The following LAMA5 variants were observed in gnomAD, a reference collection of about 807,000 sequenced individuals.
LAMA5 encodes laminin subunit alpha-5.
In LAMA5, 260 loss-of-function variants were observed where a neutral mutation model predicts 433.4. The observed-to-expected ratio is 0.60, with a 90% CI of 0.54 to 0.66. LAMA5 has a LOEUF of 0.66. Ranked by LOEUF, LAMA5 falls within the 30% of genes least tolerant of loss-of-function variation. The pLI, the probability that LAMA5 is intolerant of heterozygous loss-of-function variation, is 0.00. For synonymous variants in LAMA5, 2,620 were observed against 2,226.6 expected, an observed-to-expected ratio of 1.18 and a Z score of -4.97; for missense variants, 5,378 against 5,258.5, an observed-to-expected ratio of 1.02 and a Z score of -0.70.
In LAMA5 at chr20:62,354,626, A is replaced by AG. The variant is rs370828519; in HGVS notation, c.451-1376dup. On this transcript the variant is annotated intron_variant, in intron 2 of 79. Transcript: ENST00000252999. ...ATGGCAAGAGGCTGCACCCAGGAGC[A>AG]GGGGGGGTCCCGAGGCACACAGGAG... Among the ~76,000 whole-genome samples the AG allele has an allele frequency of 9.3e-3, 1,420 of 152,198 alleles. 22 individuals carry two copies. The highest frequency in any genetic ancestry group is 0.032 in the African/African-American group (1,324 of 41,526).
At position 62,318,549 on chromosome 20, in the gene LAMA5, T is replaced by G. The variant is rs759385522; in HGVS notation, c.7144A>C (p.Met2382Leu). Residue 2382 changes from methionine (M) to leucine (L), a missense_variant, in exon 53 of 80, where the codon ATG (methionine) becomes CTG (leucine). Physicochemically the swap from Met to Leu is conservative, Grantham distance 15. Coordinates refer to ENST00000252999, the MANE Select transcript of LAMA5 (RefSeq NM_005560.6). ...DRLAQHEAGL[M>L]DLREALNRAV... Reference sequence around the variant, plus strand: ...CGGTTCAAAGCCTCTCGCAGGTCCATGAGGCCGGCCTCGTGCTGGGCCAGC... The same window carrying G: ...CGGTTCAAAGCCTCTCGCAGGTCCAGGAGGCCGGCCTCGTGCTGGGCCAGC... 2 of 1,610,138 alleles carry G rather than the reference T, an allele frequency of 1.2e-6. No homozygotes were observed. The highest frequency in any genetic ancestry group is 1.7e-6 in the Non-Finnish European group (2 of 1,179,034).
intron 6 of LAMA5, among the ~76,000 whole-genome samples, chr20:62,350,618 G>A (rs1482920963): frequency 6.6e-6 from 1 of 152,162 alleles, no homozygotes; most frequent in Non-Finnish European, 1.5e-5. Flanking sequence ...GGGCTGCTCG[G>A]TTGCAGGCAC....
At position 62,323,673 on chromosome 20, in the gene LAMA5, G is replaced by A. The variant is rs755901021; in HGVS notation, c.5850-3C>T. 5 of 1,605,706 alleles carry A rather than the reference G, an allele frequency of 3.1e-6. No individual in the cohort carries two copies. In the Admixed American group the frequency reaches 5.1e-5, roughly 16 times the overall value. ...TCCCAAAGAATCCGGGCGCACACCTGGGAGCAGGGTGGGGAGGGGCCGTCA... is the reference window on the plus strand; with the variant it reads ...TCCCAAAGAATCCGGGCGCACACCTAGGAGCAGGGTGGGGAGGGGCCGTCA... On this transcript the variant is annotated splice_polypyrimidine_tract_variant and splice_region_variant and intron_variant, in intron 44 of 79. Coordinates refer to ENST00000252999, the MANE Select transcript of LAMA5 (RefSeq NM_005560.6).
Position 62,337,694 on chromosome 20 carries a change from G to A in LAMA5, c.2060C>T (p.Ala687Val). 6.2e-7 allele frequency: 1 copy of A among 1,611,682 alleles called. No individual in the cohort carries two copies. The highest frequency in any genetic ancestry group is 8.5e-7 in the Non-Finnish European group (1 of 1,179,342). Residue 687 changes from alanine to valine, a missense_variant, in exon 16 of 80, where the codon GCA (alanine) becomes GTA (valine). Transcript: ENST00000252999. ...CTGCCCACTCCGGGGGTCACAGGCT[G>A]CGTGCAGGGAGCCTTCAGCAGAGCA... ...CHCSAEGSLH[A>V]ACDPRSGQCS...
intron 11 of LAMA5, among the ~76,000 whole-genome samples, chr20:62,344,387 G>A (rs1397702525): frequency 4.6e-5 from 7 of 152,058 alleles, no homozygotes; most frequent in Admixed American, 3.9e-4. Flanking sequence ...ACTGCTATGT[G>A]GTAATGGCAA....
chr20:62,309,849 G>T lies in LAMA5; in HGVS notation c.10829-14C>A. On this transcript the variant is annotated splice_polypyrimidine_tract_variant and intron_variant, in intron 78 of 79. Coordinates refer to ENST00000252999, the MANE Select transcript of LAMA5 (RefSeq NM_005560.6). ...CGCTTTTCATCACTGGGAGAAAGGG[G>T]GACTCCTGAGGCCAGGTGGTCCTCA... 1 of 1,610,982 alleles carries T rather than the reference G, an allele frequency of 6.2e-7. No individual in the cohort carries two copies. The highest frequency in any genetic ancestry group is 8.5e-7 in the Non-Finnish European group (1 of 1,179,464).
Position 62,346,119 on chromosome 20 carries a change from A to G in LAMA5, c.1379T>C (p.Val460Ala). The part of the protein sequence containing the change: ...RPNFSGERCD[V>A]CAEGFTGFPS... ...GAAGCCCGTGAAGCCCTCGGCACAC[A>G]CGTCACACCGCTCCCCAGAGAAGTT... Residue 460 changes from valine to alanine, a missense_variant, in exon 10 of 80, where the codon GTG becomes GCG. By Grantham distance (64) the Val-to-Ala change is moderately conservative. Coordinates refer to ENST00000252999, the MANE Select transcript of LAMA5 (RefSeq NM_005560.6). The G allele has an allele frequency of 6.2e-7, 1 of 1,613,022 alleles. No homozygotes were observed. The highest frequency in any genetic ancestry group is 8.5e-7 in the Non-Finnish European group (1 of 1,179,988).
At chr20:62,338,726 T>C in intron 11 of LAMA5, 118 bp from the exon 12 acceptor site, 1 of 1,058,412 alleles carries the variant, frequency 9.4e-7, no homozygotes, top group Admixed American at 2.9e-5. Flanking sequence ...CAACACTAAC[T>C]AGAAAATAAA....
intron 6 of LAMA5, 113 bp downstream of exon 6, chr20:62,351,591 G>C (rs1020502056): frequency 5.4e-6 from 5 of 931,696 alleles, no homozygotes; most frequent in Non-Finnish European, 8.4e-6. Flanking sequence ...GCAGGGTTGT[G>C]GTGGGCCATG....
chr20:62,322,677 C>A lies in LAMA5; in HGVS notation c.6146G>T (p.Arg2049Leu). ...HCLCKAGVTG[R>L]RCDRCQEGHF... is the part of the protein sequence containing the mutation. ...CCCTACCTGGCAGCGGTCACAGCGC[C>A]GCCCAGTCACGCCCGCCTTGCACAG... Residue 2049 changes from arginine to leucine, a missense_variant, in exon 46 of 80, where the codon CGG becomes CTG. Coordinates refer to ENST00000252999, the MANE Select transcript of LAMA5 (RefSeq NM_005560.6). 1 of 1,544,214 alleles carries A rather than the reference C, an allele frequency of 6.5e-7. No individual in the cohort carries two copies. Among genetic ancestry groups the A allele is most frequent in the Non-Finnish European group, 8.7e-7 (1 of 1,146,794 alleles).
intron 17 of LAMA5, 109 bp from the exon 18 acceptor site, chr20:62,336,554 C>T: frequency 2.6e-6 from 3 of 1,154,728 alleles, no homozygotes; most frequent in Middle Eastern, 2.0e-4. Context: ...GGGCCCTCAC[C>T]TGTGACTCAC....
chr20:62,337,172 G>A (rs764837955), intron 16 of LAMA5, among the ~76,000 whole-genome samples: 3 of 92,270 alleles, frequency 3.3e-5, no homozygotes, highest in Non-Finnish European at 7.5e-5. Flanking sequence ...TGAGACACGC[G>A]ATACGCGCAC....
chr20:62,323,079 G>C (rs1315376649), intron 45 of LAMA5, among the ~76,000 whole-genome samples: 8 of 83,446 alleles, frequency 9.6e-5, no homozygotes, highest in Non-Finnish European at 1.3e-4. Context: ...TCGTGAGGTG[G>C]GGGGGGCGCT....
rs1979147900 is a variant in LAMA5, at chr20:62,325,557, A to G, written c.5299-11T>C. 9 of 1,578,472 alleles carry G rather than the reference A, an allele frequency of 5.7e-6. No homozygotes were observed. The highest frequency in any genetic ancestry group is 7.8e-6 in the Non-Finnish European group (9 of 1,153,280). On this transcript the variant is annotated splice_polypyrimidine_tract_variant and intron_variant, in intron 40 of 79. Transcript: ENST00000252999. ...ATGCCGGAAGTTCCCCTGTGGGTCC[A>G]GGATGGCACCTCAGTGGGGCCACAC...
intron 3 of LAMA5, 30 bp downstream of exon 3, chr20:62,353,104 C>T (rs1348697839): frequency 6.7e-7 from 1 of 1,500,312 alleles, no homozygotes; most frequent in Non-Finnish European, 9.1e-7. Context: ...CCTGCCTCTC[C>T]CCCCAGGCCC....
chr20:62,310,123 T>C, intron 77 of LAMA5, 42 bp from the exon 78 acceptor site: 1 of 1,611,060 alleles, frequency 6.2e-7, no homozygotes, highest in South Asian at 1.1e-5. Context: ...GCCCCCGAGG[T>C]CACCAGAATG....
chr20:62,364,183 C>T (rs187235571), intron 1 of LAMA5, among the ~76,000 whole-genome samples: 2 of 152,220 alleles, frequency 1.3e-5, no homozygotes, highest in Non-Finnish European at 2.9e-5. Flanking sequence ...GGCCGCACTG[C>T]AAGCTTTGAT....
chr20:62,351,074 T>G, intron 6 of LAMA5: 4 of 153,124 alleles, frequency 2.6e-5, no homozygotes, highest in Non-Finnish European at 5.8e-5. Flanking sequence ...TCCCGGGAGG[T>G]GGATGCTCTG....
At chr20:62,357,369 G>A (rs62199218) in intron 2 of LAMA5, among the ~76,000 whole-genome samples, 6,310 of 152,306 alleles carry the variant, frequency 0.041, 166 homozygotes, top group African/African-American at 0.069. Context: ...CGCACTGCTC[G>A]GACAGGGCAC....
Sources: gnomAD v4.1 joint callset for allele counts (sites outside exome capture counted in the v4.1 genomes callset) on GRCh38, gnomAD v4.1.1 for gene constraint, MANE v1.5 for transcripts, NCBI Gene and HGNC (gene_info 2026-07-23, HGNC 2026-07-21) for gene names.